Variants in REDIC1 observed in about 807,000 individuals in gnomAD.
REDIC1 encodes the protein HEI10 Interacting Protein 1.
chr12:39,703,661 A>G, the REDIC1 span, among the ~76,000 whole-genome samples: 1 of 152,180 alleles, frequency 6.6e-6, no homozygotes, highest in African/African-American at 2.4e-5. Flanking sequence ...GAGGAATCAC[A>G]CTACCTGACT....
the REDIC1 span, among the ~76,000 whole-genome samples, chr12:39,712,075 GGTAT>G: frequency 4.6e-4 from 10 of 21,556 alleles, no homozygotes; most frequent in East Asian, 8.5e-3. Context: ...TATATATACC[GGTAT>G]GTATATATAC....
At chr12:39,714,073 G>GCA in the REDIC1 span, among the ~76,000 whole-genome samples, 1 of 147,818 alleles carries the variant, frequency 6.8e-6, no homozygotes, top group African/African-American at 2.5e-5. Context: ...GTGTATATAC[G>GCA]TGTATATACA....
chr12:39,754,770 G>T, the REDIC1 span, among the ~76,000 whole-genome samples: 3 of 151,632 alleles, frequency 2.0e-5, no homozygotes, highest in Non-Finnish European at 4.4e-5. Flanking sequence ...TTACTTCAAG[G>T]GTTCCTAAGC....
At chr12:39,710,738 T>C in the REDIC1 span, among the ~76,000 whole-genome samples, 1 of 151,832 alleles carries the variant, frequency 6.6e-6, no homozygotes, top group East Asian at 1.9e-4. Flanking sequence ...GTATCTTCTA[T>C]GATGTCACAT....
At chr12:39,816,985 G>A in the REDIC1 span, among the ~76,000 whole-genome samples, 1 of 152,006 alleles carries the variant, frequency 6.6e-6, no homozygotes, top group South Asian at 2.1e-4. Context: ...ATCCCATTGT[G>A]GGTTGGGTCA....
At chr12:39,881,013 G>A in the REDIC1 span, among the ~76,000 whole-genome samples, 37 of 152,298 alleles carry the variant, frequency 2.4e-4, no homozygotes, top group Admixed American at 4.6e-4. Flanking sequence ...CAGGTTACAT[G>A]TGATTGTTCC....
At chr12:39,887,257 A>G in the REDIC1 span, among the ~76,000 whole-genome samples, 1 of 152,244 alleles carries the variant, frequency 6.6e-6, no homozygotes. Context: ...ATAAAATACA[A>G]AAGTCATACA....
At chr12:39,705,122 G>C in the REDIC1 span, among the ~76,000 whole-genome samples, 2 of 151,694 alleles carry the variant, frequency 1.3e-5, no homozygotes. Context: ...AATCAGAGAT[G>C]AAAAAGGAAC....
chr12:39,714,056 C>CGTGTATATATATGTACATGTATAT, the REDIC1 span, among the ~76,000 whole-genome samples: 1 of 8,100 alleles, frequency 1.2e-4, no homozygotes, highest in East Asian at 1.5e-3. Context: ...CATGTATATA[C>CGTGTATATATATGTACATGTATAT]ACGTATGTGT....
the REDIC1 span, among the ~76,000 whole-genome samples, chr12:39,727,094 A>T: frequency 3.3e-5 from 5 of 151,914 alleles, no homozygotes; most frequent in African/African-American, 7.3e-5. Flanking sequence ...GATTGCAAAA[A>T]TTTTCTCCCA....
At chr12:39,771,880 T>G in the REDIC1 span, among the ~76,000 whole-genome samples, 1 of 152,066 alleles carries the variant, frequency 6.6e-6, no homozygotes, top group Non-Finnish European at 1.5e-5. Flanking sequence ...TAAACTAAAT[T>G]ACTTATTTTC....
At chr12:39,664,079 T>G in the REDIC1 span, among the ~76,000 whole-genome samples, 12 of 146,320 alleles carry the variant, frequency 8.2e-5, no homozygotes, top group South Asian at 2.2e-4. Flanking sequence ...TGTCTTTGAG[T>G]TTTTTTTTTT....
chr12:39,807,922 T>C, the REDIC1 span, among the ~76,000 whole-genome samples: 1 of 150,584 alleles, frequency 6.6e-6, no homozygotes, highest in Non-Finnish European at 1.5e-5. Context: ...GCTAGGAAGA[T>C]ATAATTTTGT....
the REDIC1 span, among the ~76,000 whole-genome samples, chr12:39,656,513 G>T: frequency 6.6e-6 from 1 of 152,118 alleles, no homozygotes; most frequent in African/African-American, 2.4e-5. Context: ...TAAATGACTT[G>T]TTAATGGTTT....
chr12:39,881,946 C>T, the REDIC1 span, among the ~76,000 whole-genome samples: 1 of 152,072 alleles, frequency 6.6e-6, no homozygotes, highest in African/African-American at 2.4e-5. Context: ...ATGGACCATC[C>T]ACACAACATC....
the REDIC1 span, among the ~76,000 whole-genome samples, chr12:39,837,699 T>G: frequency 6.6e-6 from 1 of 152,010 alleles, no homozygotes; most frequent in East Asian, 1.9e-4. Context: ...CAGACACTTC[T>G]CAAAAGAAGA....
At chr12:39,879,223 A>G in the REDIC1 span, among the ~76,000 whole-genome samples, 1 of 152,260 alleles carries the variant, frequency 6.6e-6, no homozygotes, top group African/African-American at 2.4e-5. Flanking sequence ...GAGCCCTCAC[A>G]GAGAACCCCT....
chr12:39,871,638 T>TC, the REDIC1 span, among the ~76,000 whole-genome samples: 1 of 151,806 alleles, frequency 6.6e-6, no homozygotes, highest in African/African-American at 2.4e-5. Context: ...TGTTAAAAGC[T>TC]CTTTTTTTTT....
the REDIC1 span, among the ~76,000 whole-genome samples, chr12:39,699,299 G>A: frequency 1.8e-3 from 277 of 152,312 alleles, no homozygotes; most frequent in African/African-American, 6.1e-3. Context: ...AAGCGAAAGG[G>A]GTCAGGGAGT....
Sources: allele counts gnomAD v4.1 joint callset (sites outside exome capture counted in the v4.1 genomes callset), GRCh38; gene constraint gnomAD v4.1.1; transcripts MANE v1.5; gene names NCBI Gene and HGNC (gene_info 2026-07-23, HGNC 2026-07-21).